Variants in CLDN16 observed in about 807,000 individuals in gnomAD.
CLDN16 encodes claudin-16.
CLDN16 carries 13 observed loss-of-function variants against 24.6 expected under a neutral mutation model. The ratio of observed to expected loss-of-function variants is 0.53; its 90% CI spans 0.34 to 0.84. The LOEUF is 0.84. Among genes scored for constraint, CLDN16 ranks in the 40% least tolerant of loss-of-function variants. The pLI, the probability that CLDN16 is intolerant of heterozygous loss-of-function variation, is 0.01. For missense variants in CLDN16, 298 were observed against 292.7 expected (o/e 1.02, Z -0.13); for synonymous variants, 116 against 106.7 (o/e 1.09, Z -0.54).
chr3:190,326,673 T>G (rs1560078853), intron 1 of CLDN16, among the ~76,000 whole-genome samples: 1 of 152,196 alleles, frequency 6.6e-6, no homozygotes, highest in Admixed American at 6.5e-5. Context: ...GATATTTTTA[T>G]TATCAAGTGC....
At chr3:190,345,579 G>T (rs111710637) in intron 1 of CLDN16, among the ~76,000 whole-genome samples, 2 of 152,024 alleles carry the variant, frequency 1.3e-5, no homozygotes, top group Non-Finnish European at 2.9e-5. Context: ...GCCTAGCTCC[G>T]TCTCTCTTTA....
upstream of CLDN16, chr3:190,387,724 G>A: frequency 4.0e-6 from 1 of 251,770 alleles, no homozygotes; most frequent in Non-Finnish European, 7.8e-6. Flanking sequence ...GTCCTTCATG[G>A]GGCTGTTCTA....
upstream of CLDN16, among the ~76,000 whole-genome samples, chr3:190,384,779 C>A (rs1450006776): frequency 2.6e-5 from 4 of 152,036 alleles, no homozygotes; most frequent in African/African-American, 9.7e-5. Flanking sequence ...CTACCATATG[C>A]CAGGTAGAAT....
chr3:190,293,077 AG>A, the CLDN16 span, among the ~76,000 whole-genome samples: 1 of 152,210 alleles, frequency 6.6e-6, no homozygotes, highest in Non-Finnish European at 1.5e-5. Flanking sequence ...CGAATTTTAA[AG>A]AAAAGATGTT....
chr3:190,366,991 G>A (rs1325234662), intron 1 of CLDN16, among the ~76,000 whole-genome samples: 1 of 151,926 alleles, frequency 6.6e-6, no homozygotes, highest in Non-Finnish European at 1.5e-5. Context: ...CAGCATGTGG[G>A]AGTGTTCAAA....
At chr3:190,309,350 G>A in the CLDN16 span, among the ~76,000 whole-genome samples, 1 of 152,138 alleles carries the variant, frequency 6.6e-6, no homozygotes, top group Non-Finnish European at 1.5e-5. Context: ...TATGGGATGG[G>A]CTCCAACACA....
intron 1 of CLDN16, among the ~76,000 whole-genome samples, chr3:190,355,229 G>A (rs765881733): frequency 1.1e-4 from 16 of 151,734 alleles, no homozygotes; most frequent in Non-Finnish European, 1.9e-4. Context: ...AGGGTTTGTC[G>A]TGGCTAGACT....
At chr3:190,320,961 T>TA (rs1268087372), upstream of CLDN16, among the ~76,000 whole-genome samples, 28 of 145,910 alleles carry the variant, frequency 1.9e-4, no homozygotes, top group East Asian at 1.0e-3. Context: ...ACCTTTAATT[T>TA]AAAAAACAAA....
the CLDN16 span, among the ~76,000 whole-genome samples, chr3:190,291,015 T>C: frequency 6.6e-6 from 1 of 152,196 alleles, no homozygotes; most frequent in Admixed American, 6.5e-5. Context: ...TACTATTTTC[T>C]ATATGATGGT....
upstream of CLDN16, among the ~76,000 whole-genome samples, chr3:190,386,112 G>T (rs1718491669): frequency 6.6e-6 from 1 of 152,108 alleles, no homozygotes; most frequent in Admixed American, 6.6e-5. Context: ...CCTGCAAAGG[G>T]CATGTGCTTT....
chr3:190,321,545 ATTAT>A (rs1716921711), upstream of CLDN16, among the ~76,000 whole-genome samples: 1 of 152,200 alleles, frequency 6.6e-6, no homozygotes, highest in African/African-American at 2.4e-5. Context: ...ATACTTGAGG[ATTAT>A]TTATTTAAGC....
the CLDN16 span, among the ~76,000 whole-genome samples, chr3:190,302,191 C>A: frequency 1.3e-5 from 2 of 152,266 alleles, no homozygotes; most frequent in Non-Finnish European, 2.9e-5. Flanking sequence ...TAAATTATTT[C>A]TTAAACTTCA....
intron 3 of CLDN16, among the ~76,000 whole-genome samples, chr3:190,382,732 A>G (rs765981564): frequency 2.6e-5 from 4 of 152,134 alleles, no homozygotes; most frequent in Admixed American, 6.6e-5. Flanking sequence ...CCATCCACCC[A>G]TTATTTAAAA....
rs541135784 is a variant in CLDN16, at chr3:190,364,429, CAT to C, written n.122-6462_122-6461del. Among the ~76,000 whole-genome samples, 271 of 152,022 alleles carry C rather than the reference CAT, an allele frequency of 1.8e-3. 1 individual carries two copies. Among genetic ancestry groups the C allele is most frequent in the Non-Finnish European group, 2.5e-3 (171 of 67,896 alleles). On this transcript the variant is annotated intron_variant and non_coding_transcript_variant, in intron 1 of 4. Transcript: ENST00000468220. Reference sequence around the variant, plus strand: ...TTATGACTTTGTGGTTCTGACAGAACATAGCTCATGATGAGCTGCTGATGGGT... The same window carrying C: ...TTATGACTTTGTGGTTCTGACAGAACAGCTCATGATGAGCTGCTGATGGGT...
chr3:190,307,134 T>G, the CLDN16 span: 2 of 152,632 alleles, frequency 1.3e-5, no homozygotes, highest in Admixed American at 6.5e-5. Context: ...TTATCTCAAT[T>G]TGGCAGATAG....
chr3:190,341,082 T>C (rs1254730841), intron 1 of CLDN16, among the ~76,000 whole-genome samples: 2 of 152,232 alleles, frequency 1.3e-5, no homozygotes, highest in East Asian at 1.9e-4. Context: ...TGGCATGACA[T>C]TGAGTGTCTG....
intron 1 of CLDN16, among the ~76,000 whole-genome samples, chr3:190,353,750 C>T: frequency 6.6e-6 from 1 of 152,042 alleles, no homozygotes; most frequent in East Asian, 1.9e-4. Context: ...TGACAAAGAG[C>T]TGGTTCTAGT....
chr3:190,410,236 C>T lies in CLDN16; in HGVS notation c.*200C>T, dbSNP rs960031461. The stretch of plus-strand genomic sequence containing the variant: ...TTTTCCCGTCATTCTCTCTGCTAAC[C>T]TTCCACCTTATGCACACACTTTCCC... On this transcript the variant is annotated 3_prime_UTR_variant, in exon 5 of 5. Coordinates refer to ENST00000264734, the MANE Select transcript of CLDN16 (RefSeq NM_006580.4). 1.6e-6 allele frequency: 1 copy of T among 614,350 alleles called. No individual in the cohort carries two copies. The highest frequency in any genetic ancestry group is 1.8e-5 in the African/African-American group (1 of 54,346). The allele number at this position is 614,350 out of a possible 1,614,324, so 38.1% of individuals were successfully genotyped here.
chr3:190,398,737 A>C (rs1718883683), intron 1 of CLDN16, among the ~76,000 whole-genome samples: 1 of 152,102 alleles, frequency 6.6e-6, no homozygotes, highest in Admixed American at 6.6e-5. Context: ...TATCATTTAT[A>C]TTGCGTGTGT....
Sources: gnomAD v4.1 joint callset for allele counts (sites outside exome capture counted in the v4.1 genomes callset) on GRCh38, gnomAD v4.1.1 for gene constraint, MANE v1.5 for transcripts, NCBI Gene and HGNC (gene_info 2026-07-23, HGNC 2026-07-21) for gene names.